CNST: variants seen among roughly 807,000 people sequenced by gnomAD.
The protein encoded by CNST is consortin, connexin sorting protein, also known as consortin.
CNST carries 39 observed loss-of-function variants against 72.4 expected under a neutral mutation model. The observed-to-expected ratio is 0.54, with a 90% CI of 0.42 to 0.70. The LOEUF is 0.70. Among genes scored for constraint, CNST ranks in the 30% least tolerant of loss-of-function variants. CNST has a pLI of 0.00. For missense variants in CNST, 871 were observed against 868.5 expected (o/e 1.00, Z -0.04); for synonymous variants, 332 against 320.1 (o/e 1.04, Z -0.40).
chr1:246,614,151 C>CAT (rs562738537), intron 2 of CNST, among the ~76,000 whole-genome samples: 413 of 152,126 alleles, frequency 2.7e-3, no homozygotes, highest in South Asian at 4.6e-3. Context: ...GGAATATTCG[C>CAT]ATATATATAG....
chr1:246,576,241 A>AAC (rs1362380840), intron 1 of CNST, among the ~76,000 whole-genome samples: 1 of 119,598 alleles, frequency 8.4e-6, no homozygotes. Context: ...TCTCAAAAAA[A>AAC]AAAAAAAAAA....
chr1:246,585,233 C>T (rs867504411), intron 1 of CNST, among the ~76,000 whole-genome samples: 41 of 152,292 alleles, frequency 2.7e-4, no homozygotes, highest in Middle Eastern at 3.4e-3. Context: ...TCAGCTTTTC[C>T]GGCTTCCAAA....
At chr1:246,609,403 C>G (rs946794812) in intron 2 of CNST, among the ~76,000 whole-genome samples, 1 of 152,140 alleles carries the variant, frequency 6.6e-6, no homozygotes. Flanking sequence ...TGGCAAAACC[C>G]CGTCTCTACT....
chr1:246,632,097 TTC>T (rs1231419655), intron 4 of CNST, among the ~76,000 whole-genome samples, 173 bp downstream of exon 4: 5 of 152,198 alleles, frequency 3.3e-5, no homozygotes, highest in Non-Finnish European at 4.4e-5. Context: ...TGTAGGAAAT[TTC>T]TGTCTCTTCA....
chr1:246,598,959 A>G (rs1266915172), intron 2 of CNST, among the ~76,000 whole-genome samples: 1 of 152,078 alleles, frequency 6.6e-6, no homozygotes, highest in Non-Finnish European at 1.5e-5. Context: ...TAGATGTTCC[A>G]CCTCTTTTAA....
At chr1:246,654,927 A>G (rs1224103834) in intron 9 of CNST, among the ~76,000 whole-genome samples, 6 of 152,178 alleles carry the variant, frequency 3.9e-5, no homozygotes, top group Non-Finnish European at 5.9e-5. Context: ...CATAAAGCTT[A>G]CTTTCTAGAG....
chr1:246,591,470 A>G (rs939965438), intron 1 of CNST, 42 bp from the exon 2 acceptor site: 63 of 1,338,470 alleles, frequency 4.7e-5, no homozygotes, highest in Non-Finnish European at 5.8e-5. Flanking sequence ...GAATCTGCAA[A>G]GGTTAGAAAA....
chr1:246,607,024 G>T (rs1408783875), intron 2 of CNST: 1 of 152,166 alleles, frequency 6.6e-6, no homozygotes, highest in African/African-American at 2.4e-5. Context: ...CACAATTGAG[G>T]TAGCTGAAGT....
intron 8 of CNST, among the ~76,000 whole-genome samples, chr1:246,645,423 AC>A (rs201985986): frequency 1.6e-4 from 17 of 106,082 alleles, no homozygotes; most frequent in Admixed American, 2.1e-4. Flanking sequence ...AAAGGTTAAA[AC>A]TTTTTTTTTT....
Position 246,582,408 on chromosome 1 carries a change from G to A in CNST, c.-51-9104G>A, listed in dbSNP as rs147635998. On this transcript the variant is annotated intron_variant, in intron 1 of 10. Coordinates refer to ENST00000366513, the MANE Select transcript of CNST (RefSeq NM_152609.3). The stretch of plus-strand genomic sequence containing the variant: ...CTGTCTCCCAGCCTGGAGTGCAGTG[G>A]TGTGATCCCGGCTCCCTGCAACCTC... Among the ~76,000 whole-genome samples the A allele has an allele frequency of 2.7e-4, 41 of 150,654 alleles. No homozygotes were observed. The East Asian group carries it at 3.3e-3, about 12-fold the overall frequency.
At chr1:246,574,126 A>T (rs1000939444) in intron 1 of CNST, among the ~76,000 whole-genome samples, 2 of 152,276 alleles carry the variant, frequency 1.3e-5, no homozygotes, top group African/African-American at 2.4e-5. Flanking sequence ...TGCAAGCTCC[A>T]CTACTCCTGG....
intron 1 of CNST, among the ~76,000 whole-genome samples, chr1:246,591,285 C>T (rs1661529373): frequency 6.6e-6 from 1 of 152,176 alleles, no homozygotes; most frequent in East Asian, 1.9e-4. Context: ...TTTGGGCAGC[C>T]TCTCAGGTGA....
chr1:246,620,132 C>T (rs1663963736), intron 2 of CNST, among the ~76,000 whole-genome samples: 1 of 24,908 alleles, frequency 4.0e-5, no homozygotes, highest in South Asian at 2.4e-3. Flanking sequence ...TGCATACACA[C>T]GATGGGCTCT....
chr1:246,617,553 T>C (rs1042115896), intron 2 of CNST, among the ~76,000 whole-genome samples: 1 of 152,194 alleles, frequency 6.6e-6, no homozygotes, highest in Non-Finnish European at 1.5e-5. Flanking sequence ...ACACTAATAT[T>C]ATAAGGTAGA....
At chr1:246,665,530 A>G (rs1667352794) in intron 10 of CNST, among the ~76,000 whole-genome samples, 170 bp from the exon 11 acceptor site, 1 of 152,234 alleles carries the variant, frequency 6.6e-6, no homozygotes, top group Admixed American at 6.5e-5. Flanking sequence ...TTGGTATTTA[A>G]TAGGTAGGTC....
chr1:246,573,913 T>C lies in CNST; in HGVS notation c.-52+7250T>C, dbSNP rs1363431671. ...AGATTATTCTGCCTTCCCTCACCTT[T>C]TAGTTTTTTCCATGGAAAGCTGACA... On this transcript the variant is annotated intron_variant, in intron 1 of 10. Transcript: ENST00000366513. Among the ~76,000 whole-genome samples the C allele has an allele frequency of 5.3e-5, 8 of 152,338 alleles. No individual in the cohort carries two copies. In the East Asian group the frequency reaches 1.5e-3, roughly 29 times the overall value.
chr1:246,664,716 A>G (rs147940128), intron 10 of CNST, among the ~76,000 whole-genome samples: 2,795 of 152,192 alleles, frequency 0.018, 53 homozygotes, highest in African/African-American at 0.039. Context: ...GTGAGCCACC[A>G]CACCCAGCCT....
At chr1:246,603,801 AGGATGTGGGATTTCTCTTT>A (rs1024668204) in intron 2 of CNST, among the ~76,000 whole-genome samples, 3 of 152,190 alleles carry the variant, frequency 2.0e-5, no homozygotes, top group African/African-American at 7.2e-5. Flanking sequence ...TGACAGCTAA[AGGATGTGGGATTTCTCTTT>A]GGGGTAATAA....
At chr1:246,640,632 C>A (rs972344975) in intron 6 of CNST, among the ~76,000 whole-genome samples, 7 of 152,102 alleles carry the variant, frequency 4.6e-5, no homozygotes, top group Non-Finnish European at 2.9e-5. Context: ...ATAACTTTTT[C>A]TCCTTTTCTC....
Sources: allele counts gnomAD v4.1 joint callset (sites outside exome capture counted in the v4.1 genomes callset), GRCh38; gene constraint gnomAD v4.1.1; transcripts MANE v1.5; gene names NCBI Gene and HGNC (gene_info 2026-07-23, HGNC 2026-07-21).